Variants in PDE3A observed in about 807,000 individuals in gnomAD.
The protein encoded by PDE3A is phosphodiesterase 3A, also known as cGMP-inhibited 3',5'-cyclic phosphodiesterase 3A.
In PDE3A, 43 loss-of-function variants were observed where a neutral mutation model predicts 98.3. The ratio of observed to expected loss-of-function variants is 0.44; its 90% CI spans 0.34 to 0.56. The LOEUF (loss-of-function observed/expected upper bound fraction) is 0.56. PDE3A is among the 20% of genes least tolerant of loss of function. The pLI is 0.01. For missense variants in PDE3A, 1,427 were observed against 1,440.7 expected (o/e 0.99, Z 0.15); for synonymous variants, 663 against 567.9 (o/e 1.17, Z -2.38).
At chr12:20,388,697 A>G (rs1034662746) in intron 1 of PDE3A, among the ~76,000 whole-genome samples, 2 of 152,000 alleles carry the variant, frequency 1.3e-5, no homozygotes, top group Non-Finnish European at 2.9e-5. Context: ...AGTAATTTCT[A>G]TGTTTTGTTG....
chr12:20,674,595 T>C (rs1237983476), intron 15 of PDE3A, among the ~76,000 whole-genome samples: 2 of 152,190 alleles, frequency 1.3e-5, no homozygotes, highest in Admixed American at 6.5e-5. Flanking sequence ...GAACTTTTTA[T>C]TGTTGGGAGT....
intron 15 of PDE3A, among the ~76,000 whole-genome samples, chr12:20,669,232 C>T (rs1945403521): frequency 1.3e-5 from 2 of 152,002 alleles, no homozygotes; most frequent in Admixed American, 1.3e-4. Context: ...ATTGGTGTAC[C>T]TGAAAGTGAT....
intron 1 of PDE3A, among the ~76,000 whole-genome samples, chr12:20,469,438 A>G (rs1174403067): frequency 6.6e-6 from 1 of 152,172 alleles, no homozygotes; most frequent in Non-Finnish European, 1.5e-5. Flanking sequence ...GATGGTTGTC[A>G]TGGTCCCAAA....
intron 2 of PDE3A, among the ~76,000 whole-genome samples, chr12:20,582,405 G>T (rs1254369629): frequency 6.6e-6 from 1 of 152,006 alleles, no homozygotes; most frequent in Admixed American, 6.6e-5. Context: ...TCTTGGTCAG[G>T]CTGGCCTCGA....
intron 2 of PDE3A, among the ~76,000 whole-genome samples, chr12:20,602,043 CTT>C (rs1192697778): frequency 6.6e-6 from 1 of 152,170 alleles, no homozygotes; most frequent in Non-Finnish European, 1.5e-5. Context: ...TTTTAAAACT[CTT>C]TCTCATATCA....
intron 2 of PDE3A, among the ~76,000 whole-genome samples, chr12:20,565,246 A>G (rs1942626853): frequency 6.6e-6 from 1 of 152,068 alleles, no homozygotes; most frequent in African/African-American, 2.4e-5. Flanking sequence ...TGAGAGAATA[A>G]CAGGAGAAAA....
chr12:20,553,899 A>C (rs1942288499), intron 1 of PDE3A, among the ~76,000 whole-genome samples: 1 of 151,756 alleles, frequency 6.6e-6, no homozygotes, highest in African/African-American at 2.4e-5. Flanking sequence ...CTGACACCGG[A>C]TGGGTGCTTG....
At chr12:20,440,247 T>C (rs142398930) in intron 1 of PDE3A, among the ~76,000 whole-genome samples, 23 of 152,244 alleles carry the variant, frequency 1.5e-4, no homozygotes, top group Admixed American at 7.9e-4. Flanking sequence ...TAGGATTTAA[T>C]TTTTGGCCCC....
chr12:20,507,554 T>C (rs1476758160), intron 1 of PDE3A, among the ~76,000 whole-genome samples: 1 of 152,048 alleles, frequency 6.6e-6, no homozygotes, highest in African/African-American at 2.4e-5. Flanking sequence ...ATTGCAATAA[T>C]TGGCTTCTTG....
chr12:20,630,208 C>T, intron 6 of PDE3A, 81 bp downstream of exon 6: 2 of 1,016,686 alleles, frequency 2.0e-6, no homozygotes, highest in Non-Finnish European at 3.1e-6. Flanking sequence ...CCAGCCCACG[C>T]AGCTTGGGGT....
chr12:20,369,530 CG>C lies in PDE3A; in HGVS notation c.250del (p.Glu84ArgfsTer123). 1 of 1,558,014 alleles carries C rather than the reference CG, an allele frequency of 6.4e-7. No individual in the cohort carries two copies. On this transcript the variant is annotated frameshift_variant, in exon 1 of 16. Transcript: ENST00000359062. LOFTEE classifies it high-confidence loss of function. ...LLALLVRLVR[G>X]EVGCDLEQCK... ...TGGCGCTGCTGGTGAGGCTGGTCCGCGGGGAGGTCGGCTGTGACCTGGAGCA... is the reference window on the plus strand; with the variant it reads ...TGGCGCTGCTGGTGAGGCTGGTCCGCGGGAGGTCGGCTGTGACCTGGAGCA...
chr12:20,622,264 G>T (rs1377121115), intron 5 of PDE3A, among the ~76,000 whole-genome samples: 1 of 151,964 alleles, frequency 6.6e-6, no homozygotes, highest in Non-Finnish European at 1.5e-5. Flanking sequence ...CTGCTGGCTT[G>T]CCTCCCAAAT....
At chr12:20,394,577 T>C (rs1043421932) in intron 1 of PDE3A, among the ~76,000 whole-genome samples, 1 of 152,122 alleles carries the variant, frequency 6.6e-6, no homozygotes, top group Non-Finnish European at 1.5e-5. Context: ...AATAAATAGC[T>C]ATCAGAGAAG....
intron 1 of PDE3A, among the ~76,000 whole-genome samples, chr12:20,465,987 G>A (rs1452101783): frequency 6.6e-6 from 1 of 152,172 alleles, no homozygotes. Context: ...GTGGTGCAGA[G>A]CCCGTTGCCT....
At chr12:20,532,807 G>A (rs1592026711) in intron 1 of PDE3A, among the ~76,000 whole-genome samples, 1 of 150,810 alleles carries the variant, frequency 6.6e-6, no homozygotes, top group East Asian at 2.0e-4. Context: ...TCCTGCCTCA[G>A]CCTCCCGAGT....
In PDE3A at chr12:20,683,453, G is replaced by A. The variant is rs1317411407; in HGVS notation, c.*3182G>A. The A allele has an allele frequency of 6.6e-6, 1 of 152,160 alleles. No individual in the cohort carries two copies. Among genetic ancestry groups the A allele is most frequent in the East Asian group, 1.9e-4 (1 of 5,192 alleles). 9.4% of individuals were successfully genotyped at this position (152,160 alleles called of 1,614,324 possible). A position where few individuals can be genotyped will look rare whatever the true frequency, so the allele number is the denominator to read the frequency against. On this transcript the variant is annotated 3_prime_UTR_variant, in exon 16 of 16. Coordinates refer to ENST00000359062, the MANE Select transcript of PDE3A (RefSeq NM_000921.5). ...CATAAAATCAATGGTAGGAAAAGTTGGAACTGGTTACCTGGATGCCATGGT... is the reference window on the plus strand; with the variant it reads ...CATAAAATCAATGGTAGGAAAAGTTAGAACTGGTTACCTGGATGCCATGGT...
chr12:20,640,295 T>G (rs542104656), intron 10 of PDE3A, among the ~76,000 whole-genome samples: 1 of 152,286 alleles, frequency 6.6e-6, no homozygotes, highest in African/African-American at 2.4e-5. Context: ...ACAGTAAGTC[T>G]GACATAAGTC....
At chr12:20,638,369 C>T (rs544422009) in intron 9 of PDE3A, among the ~76,000 whole-genome samples, 2 of 152,248 alleles carry the variant, frequency 1.3e-5, no homozygotes, top group South Asian at 4.1e-4. Flanking sequence ...AAAATTCTTA[C>T]AAAGTCTGTA....
chr12:20,395,688 TTATATA>T (rs5796857), intron 1 of PDE3A, among the ~76,000 whole-genome samples: 1 of 143,422 alleles, frequency 7.0e-6, no homozygotes, highest in Non-Finnish European at 1.5e-5. Flanking sequence ...AATAGAATCA[TTATATA>T]TATATATATA....
Sources: gnomAD v4.1 joint callset for allele counts (sites outside exome capture counted in the v4.1 genomes callset) on GRCh38, gnomAD v4.1.1 for gene constraint, MANE v1.5 for transcripts, NCBI Gene and HGNC (gene_info 2026-07-23, HGNC 2026-07-21) for gene names.